The following CUBN variants were observed in gnomAD, a reference collection of about 807,000 sequenced individuals.
CUBN encodes the protein 460 kDa receptor.
CUBN carries 282 observed loss-of-function variants against 405.3 expected under a neutral mutation model. The observed-to-expected ratio is 0.70, with a 90% CI of 0.63 to 0.77. The LOEUF is 0.77. CUBN is among the 30% of genes least tolerant of loss of function. CUBN has a pLI of 0.00. For missense variants in CUBN, 4,514 were observed against 4,475.2 expected, an observed-to-expected ratio of 1.01 and a Z score of -0.25; for synonymous variants, 1,684 against 1,617.0, an observed-to-expected ratio of 1.04 and a Z score of -0.99.
At chr10:17,041,990 A>G (rs1835031060) in intron 26 of CUBN, among the ~76,000 whole-genome samples, 1 of 152,156 alleles carries the variant, frequency 6.6e-6, no homozygotes, top group Admixed American at 6.6e-5. Flanking sequence ...CAAGGAATAT[A>G]TTATCTCTAT....
intron 28 of CUBN, among the ~76,000 whole-genome samples, chr10:17,010,097 A>T (rs1834138313): frequency 2.0e-5 from 3 of 152,172 alleles, no homozygotes; most frequent in South Asian, 4.1e-4. Context: ...CCCATCCTCT[A>T]TCCAACAAGA....
chr10:16,841,427 T>C (rs1169500316), intron 60 of CUBN, among the ~76,000 whole-genome samples: 1 of 152,152 alleles, frequency 6.6e-6, no homozygotes, highest in African/African-American at 2.4e-5. Context: ...GTGTTCCTCT[T>C]TAGTGTATCC....
chr10:16,876,137 C>T (rs1389558275), intron 57 of CUBN, among the ~76,000 whole-genome samples: 1 of 152,140 alleles, frequency 6.6e-6, no homozygotes, highest in Admixed American at 6.5e-5. Flanking sequence ...AACTTTCTAC[C>T]TTTAGCAATG....
At chr10:16,838,290 AC>A (rs1839234779) in intron 62 of CUBN, among the ~76,000 whole-genome samples, 1 of 152,026 alleles carries the variant, frequency 6.6e-6, no homozygotes. Context: ...AATGAAGGGG[AC>A]CCTGAAAACT....
At chr10:16,844,131 T>C (rs1839438902) in intron 60 of CUBN, among the ~76,000 whole-genome samples, 1 of 152,064 alleles carries the variant, frequency 6.6e-6, no homozygotes, top group Admixed American at 6.6e-5. Context: ...TAGCCAGATG[T>C]GGTGGCGCAG....
chr10:17,066,481 T>C (rs1039878172), intron 21 of CUBN, among the ~76,000 whole-genome samples: 3 of 151,960 alleles, frequency 2.0e-5, no homozygotes, highest in Non-Finnish European at 2.9e-5. Flanking sequence ...GATACGTCAA[T>C]TGCTAAAGGA....
chr10:16,928,243 A>C lies in CUBN; in HGVS notation c.6185T>G (p.Ile2062Ser). 1 of 1,613,934 alleles carries C rather than the reference A, an allele frequency of 6.2e-7. No individual in the cohort carries two copies. The highest frequency in any genetic ancestry group is 8.5e-7 in the Non-Finnish European group (1 of 1,179,880). The stretch of plus-strand genomic sequence containing the variant: ...GAACATGTACTCTCCAGTAGACCGG[A>C]TGGGCCCAGGGATCTCTCTGCCACA... ...VLCGREIPGP[I>S]RSTGEYMFIR... Residue 2062 changes from isoleucine to serine, a missense_variant, in exon 41 of 67, where the codon ATC becomes AGC. This residue lies in a region of CUBN where 1,613 missense variants were observed against 1,542.8 expected (regional missense o/e 1.05). Coordinates refer to ENST00000377833, the MANE Select transcript of CUBN (RefSeq NM_001081.4).
intron 6 of CUBN, 52 bp from the exon 7 acceptor site, chr10:17,115,649 C>T (rs200812875): frequency 6.3e-7 from 1 of 1,598,014 alleles, no homozygotes; most frequent in Admixed American, 1.7e-5. Context: ...GGGGCCAGTG[C>T]CTGTCTCTTA....
At position 17,068,913 on chromosome 10, in the gene CUBN, C is replaced by A. The variant is rs552648153; in HGVS notation, c.2626-143G>T. ...ATTTTAGCACATTTTAGTCACCCCC[C>A]AAAAAACACTCATATCCTTTAGCAG... On this transcript the variant is annotated intron_variant, in intron 19 of 66. Transcript: ENST00000377833. The A allele has an allele frequency of 9.9e-5, 69 of 699,884 alleles. No individual in the cohort carries two copies. In the African/African-American group the frequency reaches 1.0e-3, roughly 11 times the overall value. The allele number at this position is 699,884 out of a possible 1,614,324, so 43.4% of individuals were successfully genotyped here. A position where few individuals can be genotyped will look rare whatever the true frequency, so the allele number is the denominator to read the frequency against.
chr10:16,947,387 A>T lies in CUBN; in HGVS notation c.5210-20T>A. 2 of 1,613,864 alleles carry T rather than the reference A, an allele frequency of 1.2e-6. No individual in the cohort carries two copies. The highest frequency in any genetic ancestry group is 1.7e-6 in the Non-Finnish European group (2 of 1,179,888). ...CACAAGCTGGAAGAAAATAGAAATA[A>T]AGTGAGTATCAGAGCAAAGACTGCA... On this transcript the variant is annotated intron_variant, in intron 35 of 66. Coordinates refer to ENST00000377833, the MANE Select transcript of CUBN (RefSeq NM_001081.4).
In CUBN at chr10:17,103,172, C is replaced by T. The variant is rs760389476; in HGVS notation, c.1483G>A (p.Val495Ile). Residue 495 changes from valine (V) to isoleucine (I), a missense_variant, in exon 13 of 67, where the codon GTT becomes ATT. Val to Ile is a conservative substitution (Grantham distance 29). Coordinates refer to ENST00000377833, the MANE Select transcript of CUBN (RefSeq NM_001081.4). ...FSYRSPDVGY[V>I]HDVNCFWVIK... is the part of the protein sequence containing the mutation. ...ACCCAGAAGCAGTTAACATCATGAA[C>T]ATAACCAACATCCGGGCTCCTGTAG... 1.2e-6 allele frequency: 2 copies of T among 1,613,890 alleles called. No individual in the cohort carries two copies. Among genetic ancestry groups the T allele is most frequent in the Admixed American group, 1.7e-5 (1 of 59,998 alleles).
At position 16,963,958 on chromosome 10, in the gene CUBN, G is replaced by A. The variant is rs545573412; in HGVS notation, c.4696-9410C>T. Among the ~76,000 whole-genome samples the A allele has an allele frequency of 5.3e-5, 8 of 152,296 alleles. No homozygotes were observed. In the East Asian group the frequency reaches 1.2e-3, roughly 22 times the overall value. On this transcript the variant is annotated intron_variant, in intron 31 of 66. Coordinates refer to ENST00000377833, the MANE Select transcript of CUBN (RefSeq NM_001081.4). ...TCTCATTAGCAGTTTCCTCTGGGAC[G>A]GGGAACAGGGCATGGGATCAATGAT...
At chr10:16,994,131 C>CTTT (rs1413135436) in intron 28 of CUBN, among the ~76,000 whole-genome samples, 1 of 152,168 alleles carries the variant, frequency 6.6e-6, no homozygotes, top group African/African-American at 2.4e-5. Context: ...AGAAACTTAA[C>CTTT]TGTCTTCGTA....
chr10:17,041,636 G>A (rs945531596), intron 26 of CUBN, among the ~76,000 whole-genome samples: 6 of 151,964 alleles, frequency 3.9e-5, no homozygotes, highest in African/African-American at 1.4e-4. Context: ...TTAACACGTG[G>A]AAGGGACAGA....
rs1381189450 is a variant in CUBN at position 16,903,906 on chromosome 10, TGG to T, written c.8062+58_8062+59del. The stretch of plus-strand genomic sequence containing the variant: ...TAACAAAATATATATGAAATCTTTA[TGG>T]AAAAAAATCATTAATCTTTATAAGT... On this transcript the variant is annotated intron_variant, in intron 51 of 66. Transcript: ENST00000377833. 1.1e-5 allele frequency: 13 copies of T among 1,223,874 alleles called. No homozygotes were observed. In the African/African-American group the frequency reaches 1.4e-4, roughly 13 times the overall value. The allele number at this position is 1,223,874 out of a possible 1,614,324, so 75.8% of individuals were successfully genotyped here.
At chr10:16,965,894 A>G (rs1843378503) in intron 31 of CUBN, 4 of 455,456 alleles carry the variant, frequency 8.8e-6, no homozygotes, top group South Asian at 6.5e-5. Context: ...GAAAACATAC[A>G]TGACTTGCCC....
Position 16,915,035 on chromosome 10 carries a change from C to T in CUBN, c.7348G>A (p.Glu2450Lys). 1 of 1,613,732 alleles carries T rather than the reference C, an allele frequency of 6.2e-7. No homozygotes were observed. Among genetic ancestry groups the T allele is most frequent in the African/African-American group, 1.3e-5 (1 of 75,058 alleles). ...GFRLRFESSM[E>K]ECGGDLQGSI... ...TTGAATGAATCAATGAACTCACCTT[C>T]CATACTGGATTCAAATCGCAGTCTG... The change falls in exon 47 of 67, where the codon GAA becomes AAA. Residue 2450 changes from glutamate to lysine, a missense_variant. By Grantham distance (56) the Glu-to-Lys change is moderately conservative. Transcript: ENST00000377833.
At chr10:16,984,890 G>C (rs981822648) in intron 29 of CUBN, among the ~76,000 whole-genome samples, 1 of 152,206 alleles carries the variant, frequency 6.6e-6, no homozygotes, top group Admixed American at 6.5e-5. Flanking sequence ...AGCTCTCTGG[G>C]TGTGTTTTGG....
At chr10:16,869,911 G>T in intron 58 of CUBN, 58 bp from the exon 59 acceptor site, 1 of 1,289,408 alleles carries the variant, frequency 7.8e-7, no homozygotes, top group Non-Finnish European at 1.1e-6. Context: ...TTAAATTGTA[G>T]CTTTAGCTCT....
Sources: gnomAD v4.1 joint callset for allele counts (sites outside exome capture counted in the v4.1 genomes callset) on GRCh38, gnomAD v4.1.1 for gene constraint, gnomAD v4.1.1 regional missense constraint, MANE v1.5 for transcripts, NCBI Gene and HGNC (gene_info 2026-07-23, HGNC 2026-07-21) for gene names.